Variants in PRRC2C observed in about 807,000 individuals in gnomAD.
PRRC2C encodes the protein protein PRRC2C.
Under a neutral mutation model 317.2 loss-of-function variants are expected in PRRC2C, and 72 were observed. The observed-to-expected ratio is 0.23, with a 90% CI of 0.19 to 0.28. The LOEUF (loss-of-function observed/expected upper bound fraction) is 0.28. Among genes scored for constraint, PRRC2C ranks in the 10% least tolerant of loss-of-function variants. The pLI is 1.00. For synonymous variants in PRRC2C, 1,296 were observed against 1,205.9 expected (o/e 1.07, Z -1.55); for missense variants, 3,074 against 3,459.7 (o/e 0.89, Z 2.80).
chr1:171,530,488 C>T (rs868324546), intron 11 of PRRC2C, among the ~76,000 whole-genome samples: 2 of 151,938 alleles, frequency 1.3e-5, no homozygotes, highest in Non-Finnish European at 2.9e-5. Flanking sequence ...TCAAGCAGTC[C>T]TCCTGCCTTG....
At chr1:171,527,989 C>G in intron 11 of PRRC2C, 145 bp downstream of exon 11, 1 of 637,656 alleles carries the variant, frequency 1.6e-6, no homozygotes, top group Non-Finnish European at 2.8e-6. Context: ...TACTCTTCAT[C>G]CTTTTCATTT....
At chr1:171,559,456 A>G (rs1443712601) in intron 19 of PRRC2C, among the ~76,000 whole-genome samples, 2 of 151,510 alleles carry the variant, frequency 1.3e-5, no homozygotes, top group East Asian at 3.9e-4. Context: ...TAGAAATGGA[A>G]CAACAAAGCC....
intron 5 of PRRC2C, 23 bp from the exon 6 acceptor site, chr1:171,517,567 CT>C: frequency 6.3e-7 from 1 of 1,576,404 alleles, no homozygotes; most frequent in Non-Finnish European, 8.6e-7. Context: ...TATCTTTTTC[CT>C]TTTTTCTCTG....
rs1015955861 is a variant in PRRC2C, at chr1:171,512,843, G to A, written c.113-152G>A. The A allele has an allele frequency of 8.9e-6, 6 of 675,174 alleles. No homozygotes were observed. In the African/African-American group the frequency reaches 9.2e-5, roughly 10 times the overall value. The allele number at this position is 675,174 out of a possible 1,614,324, so 41.8% of individuals were successfully genotyped here. On this transcript the variant is annotated intron_variant, in intron 2 of 34. Transcript: ENST00000647382. ...TTCTACACTGAAATGTGTTGCAGGTGTGTAGCTTAGTTTTAAAATTATTAT... is the reference window on the plus strand; with the variant it reads ...TTCTACACTGAAATGTGTTGCAGGTATGTAGCTTAGTTTTAAAATTATTAT...
chr1:171,559,921 A>C (rs1682332589), intron 19 of PRRC2C, among the ~76,000 whole-genome samples: 1 of 152,196 alleles, frequency 6.6e-6, no homozygotes. Context: ...CAGGGCACCT[A>C]GTCACCCTAG....
chr1:171,543,588 T>A (rs1325085955), intron 16 of PRRC2C, among the ~76,000 whole-genome samples: 1 of 152,186 alleles, frequency 6.6e-6, no homozygotes, highest in Non-Finnish European at 1.5e-5. Context: ...TGCCCTGCTT[T>A]TAGAGCAATT....
At chr1:171,527,936 T>G in intron 11 of PRRC2C, 92 bp downstream of exon 11, 1 of 1,044,038 alleles carries the variant, frequency 9.6e-7, no homozygotes, top group Non-Finnish European at 1.4e-6. Context: ...AAAACTTTTA[T>G]GAAACAGTTA....
At chr1:171,589,271 A>C in intron 33 of PRRC2C, 98 bp from the exon 34 acceptor site, 1 of 564,988 alleles carries the variant, frequency 1.8e-6, no homozygotes, top group Admixed American at 3.8e-5. Flanking sequence ...ATGGGCACAG[A>C]TTTACTCTGG....
At chr1:171,558,222 C>T in intron 19 of PRRC2C, 79 bp downstream of exon 19, 1 of 1,404,650 alleles carries the variant, frequency 7.1e-7, no homozygotes, top group East Asian at 2.5e-5. Flanking sequence ...TTTATATACT[C>T]TTTAAGTGTT....
chr1:171,521,896 T>C (rs1673651267), intron 6 of PRRC2C, among the ~76,000 whole-genome samples: 1 of 152,222 alleles, frequency 6.6e-6, no homozygotes, highest in African/African-American at 2.4e-5. Flanking sequence ...TGTGTACATA[T>C]CTTGTTGATA....
At chr1:171,550,634 C>T (rs1490965023) in intron 18 of PRRC2C, among the ~76,000 whole-genome samples, 2 of 142,092 alleles carry the variant, frequency 1.4e-5, no homozygotes, top group Non-Finnish European at 3.1e-5. Context: ...CATCCCACAA[C>T]AGGCCCAGGT....
chr1:171,557,964 A>G lies in PRRC2C; in HGVS notation c.5852A>G (p.Gln1951Arg), dbSNP rs1405046069. 6.2e-7 allele frequency: 1 copy of G among 1,611,352 alleles called. No individual in the cohort carries two copies. The highest frequency in any genetic ancestry group is 2.2e-5 in the East Asian group (1 of 44,764). ...PVQNPLQTTSQSSKQPPPSIR... is the reference protein window; with the variant it reads ...PVQNPLQTTSRSSKQPPPSIR... ...CAGAATCCACTACAGACTACATCTC[A>G]GTCTTCAAAACAACCACCACCATCA... Residue 1951 changes from glutamine to arginine, a missense_variant, in exon 19 of 35, where the codon CAG becomes CGG. Gln to Arg is a conservative substitution (Grantham distance 43). Around this residue, in one of 11 missense-constraint regions of PRRC2C, gnomAD observed 640 missense variants for 676.1 expected, o/e 0.95. Transcript: ENST00000647382.
intron 34 of PRRC2C, among the ~76,000 whole-genome samples, chr1:171,590,965 T>C (rs1651292645): frequency 6.6e-6 from 1 of 152,248 alleles, no homozygotes; most frequent in Non-Finnish European, 1.5e-5. Context: ...GCAAGAAGGA[T>C]GGAAACTTAA....
chr1:171,500,491 T>C (rs1668890909), intron 1 of PRRC2C, among the ~76,000 whole-genome samples: 1 of 152,174 alleles, frequency 6.6e-6, no homozygotes, highest in Admixed American at 6.5e-5. Context: ...CCTGAACTTC[T>C]GCTGAGGCTG....
intron 12 of PRRC2C, among the ~76,000 whole-genome samples, chr1:171,533,836 A>T (rs1163247016): frequency 6.6e-6 from 1 of 152,150 alleles, no homozygotes; most frequent in Admixed American, 6.5e-5. Context: ...GTTGGCTAGC[A>T]TAGCCTCAAT....
chr1:171,524,688 A>G (rs1211695329), intron 9 of PRRC2C, 133 bp from the exon 10 acceptor site: 1 of 868,692 alleles, frequency 1.2e-6, no homozygotes, highest in Admixed American at 3.2e-5. Flanking sequence ...AATGGGTCAC[A>G]CACCCATCTC....
At chr1:171,569,068 T>A (rs114188706) in intron 23 of PRRC2C, among the ~76,000 whole-genome samples, 1 of 152,176 alleles carries the variant, frequency 6.6e-6, no homozygotes, top group Non-Finnish European at 1.5e-5. Flanking sequence ...GCCATAGTTA[T>A]ACAGTGTCAT....
chr1:171,538,220 A>C (rs1164803115), intron 15 of PRRC2C, among the ~76,000 whole-genome samples: 1 of 152,090 alleles, frequency 6.6e-6, no homozygotes, highest in African/African-American at 2.4e-5. Context: ...AAGCAGTCTG[A>C]CTGCCTTACC....
In PRRC2C at chr1:171,536,102, C is replaced by A. The variant is rs138658625; in HGVS notation, c.2117C>A (p.Pro706Gln). ...CTTCCACAGACTGTTCCTTCACAAC[C>A]GTCCAGTAGTACTGTCCCTCCTCCA... Reference protein sequence around the residue: ...GVLPQTVPSQPSSSTVPPPPH... With the variant: ...GVLPQTVPSQQSSSTVPPPPH... The change falls in exon 14 of 35, where the codon CCG becomes CAG. Residue 706 changes from proline to glutamine, a missense_variant. By Grantham distance (76) the Pro-to-Gln change is moderately conservative. Around this residue, in one of 11 missense-constraint regions of PRRC2C, gnomAD observed 1,320 missense variants for 1,395.7 expected, o/e 0.95. Coordinates refer to ENST00000647382, the MANE Select transcript of PRRC2C (RefSeq NM_001387844.1). The A allele has an allele frequency of 4.4e-3, 6,890 of 1,561,840 alleles. 25 individuals carry two copies. The highest frequency in any genetic ancestry group is 5.5e-3 in the Non-Finnish European group (6,383 of 1,151,870).
Sources: allele counts gnomAD v4.1 joint callset (sites outside exome capture counted in the v4.1 genomes callset), GRCh38; gene constraint gnomAD v4.1.1; regional missense constraint gnomAD v4.1.1; transcripts MANE v1.5; gene names NCBI Gene and HGNC (gene_info 2026-07-23, HGNC 2026-07-21).